FGFR2: variants seen among roughly 807,000 people sequenced by gnomAD.
The protein encoded by FGFR2 is fibroblast growth factor receptor 2.
FGFR2 carries 19 observed loss-of-function variants against 95.9 expected under a neutral mutation model. That is an observed-to-expected ratio of 0.20 (90% CI 0.14 to 0.29). FGFR2 has a LOEUF of 0.29. Among genes scored for constraint, FGFR2 ranks in the 10% least tolerant of loss-of-function variants. The pLI, the probability that FGFR2 is intolerant of heterozygous loss-of-function variation, is 1.00. For missense variants in FGFR2, 707 were observed against 1,056.9 expected (o/e 0.67, Z 4.59); for synonymous variants, 392 against 393.3 (o/e 1.00, Z 0.04).
intron 3 of FGFR2, 34 bp from the exon 4 acceptor site, chr10:121,564,613 T>C: frequency 1.2e-6 from 2 of 1,603,114 alleles, no homozygotes; most frequent in Non-Finnish European, 8.5e-7. Context: ...ATGGATGTGT[T>C]TTTTGCAAAG....
At chr10:121,543,895 G>A (rs189610982) in intron 5 of FGFR2, among the ~76,000 whole-genome samples, 3 of 152,272 alleles carry the variant, frequency 2.0e-5, no homozygotes, top group South Asian at 4.2e-4. Flanking sequence ...GTTGCTTGTC[G>A]GTGCTCACAA....
chr10:121,512,758 G>A (rs752734274), intron 9 of FGFR2, among the ~76,000 whole-genome samples: 2 of 151,994 alleles, frequency 1.3e-5, no homozygotes, highest in Non-Finnish European at 1.5e-5. Context: ...CCCGCACTTA[G>A]TAAATTATGA....
intron 6 of FGFR2, chr10:121,526,248 A>C (rs1851351068): frequency 5.0e-6 from 2 of 398,496 alleles, no homozygotes; most frequent in Non-Finnish European, 8.8e-6. Flanking sequence ...AACAACTGAG[A>C]ATTCTTTTTC....
chr10:121,578,704 G>A (rs1406096944), intron 2 of FGFR2, among the ~76,000 whole-genome samples: 2 of 152,254 alleles, frequency 1.3e-5, no homozygotes, highest in Non-Finnish European at 2.9e-5. Context: ...GAGGCCAGGA[G>A]GTAGAGAACA....
At chr10:121,556,245 T>C (rs1437858086) in intron 4 of FGFR2, among the ~76,000 whole-genome samples, 11 of 152,186 alleles carry the variant, frequency 7.2e-5, no homozygotes, top group Admixed American at 7.2e-4. Context: ...ATCTATGTGC[T>C]AGACAGGTAT....
intron 6 of FGFR2, 179 bp downstream of exon 6, chr10:121,538,413 G>A (rs1252603895): frequency 2.0e-6 from 2 of 1,005,410 alleles, no homozygotes; most frequent in Admixed American, 1.7e-5. Flanking sequence ...CTGGCTGCCT[G>A]GAAAACAGAA....
At chr10:121,493,715 T>C (rs1169025364) in intron 13 of FGFR2, among the ~76,000 whole-genome samples, 10 of 152,176 alleles carry the variant, frequency 6.6e-5, no homozygotes, top group African/African-American at 2.2e-4. Context: ...CAGCTCCCTT[T>C]GCTGCCTCCC....
intron 2 of FGFR2, among the ~76,000 whole-genome samples, chr10:121,566,871 T>C (rs1158790987): frequency 3.3e-5 from 5 of 151,870 alleles, no homozygotes; most frequent in Admixed American, 1.3e-4. Context: ...CAGCACGGGA[T>C]TGGACCCACA....
intron 6 of FGFR2, among the ~76,000 whole-genome samples, chr10:121,524,574 C>T (rs1851069454): frequency 6.6e-6 from 1 of 152,232 alleles, no homozygotes; most frequent in Non-Finnish European, 1.5e-5. Flanking sequence ...ACGCTGCGCT[C>T]CTCCTCTCGA....
At chr10:121,576,773 C>A (rs767555511) in intron 2 of FGFR2, among the ~76,000 whole-genome samples, 16 of 152,090 alleles carry the variant, frequency 1.1e-4, no homozygotes, top group Non-Finnish European at 2.1e-4. Context: ...GGTCCCTTAG[C>A]AGTAAGGCTA....
intron 4 of FGFR2, among the ~76,000 whole-genome samples, chr10:121,553,166 A>G (rs1855635485): frequency 6.6e-6 from 1 of 152,188 alleles, no homozygotes; most frequent in South Asian, 2.1e-4. Context: ...TGCTTATCTA[A>G]GTGTCAAAGT....
intron 2 of FGFR2, among the ~76,000 whole-genome samples, chr10:121,590,993 ACACACACACACACG>A (rs1223161777): frequency 7.0e-6 from 1 of 142,076 alleles, no homozygotes; most frequent in African/African-American, 2.5e-5. Context: ...ACTCGCGCAC[ACACACACACACACG>A]CACACTCTCT....
At chr10:121,554,996 C>T (rs1855928301) in intron 4 of FGFR2, among the ~76,000 whole-genome samples, 1 of 152,160 alleles carries the variant, frequency 6.6e-6, no homozygotes, top group African/African-American at 2.4e-5. Context: ...ACTCATGTAC[C>T]AAATTAAAGA....
Position 121,485,682 on chromosome 10 carries a change from C to T in FGFR2, c.2058-150G>A. The T allele has an allele frequency of 1.0e-6, 1 of 983,832 alleles. No homozygotes were observed. Among genetic ancestry groups the T allele is most frequent in the Non-Finnish European group, 1.5e-6 (1 of 649,290 alleles). 60.9% of individuals were successfully genotyped at this position (983,832 alleles called of 1,614,324 possible). On this transcript the variant is annotated intron_variant, in intron 15 of 17. Transcript: ENST00000358487. This position sits in a 1 kb window ranked among gnomAD's most constrained non-coding sequence, Gnocchi z 4.2. The stretch of plus-strand genomic sequence containing the variant: ...GTTCCTCCTATGTGCTCTTTCCTGC[C>T]CTGCAAGAGCATCCCCGAATGATGA...
At chr10:121,506,463 A>G (rs1280526967) in intron 9 of FGFR2, among the ~76,000 whole-genome samples, 2 of 151,994 alleles carry the variant, frequency 1.3e-5, no homozygotes, top group African/African-American at 4.8e-5. Context: ...CCTGCAGCGT[A>G]GCCCCTCATC....
chr10:121,565,809 G>T, intron 2 of FGFR2, 105 bp from the exon 3 acceptor site: 1 of 1,411,706 alleles, frequency 7.1e-7, no homozygotes, highest in Non-Finnish European at 9.9e-7. Context: ...AGGAGAAGCT[G>T]TTCTTGCTCT....
At chr10:121,484,379 G>C (rs1433411374) in intron 16 of FGFR2, among the ~76,000 whole-genome samples, 1 of 152,094 alleles carries the variant, frequency 6.6e-6, no homozygotes, top group Non-Finnish European at 1.5e-5. Context: ...TAGCTTCCCA[G>C]GTCTTATCTT....
chr10:121,499,284 T>C (rs1218137765), intron 11 of FGFR2, among the ~76,000 whole-genome samples: 3 of 152,168 alleles, frequency 2.0e-5, no homozygotes, highest in Admixed American at 2.0e-4. Flanking sequence ...GTGGCAAGAC[T>C]TTCCCATGTG....
intron 9 of FGFR2, among the ~76,000 whole-genome samples, chr10:121,513,929 T>C (rs890458132): frequency 5.9e-5 from 9 of 152,316 alleles, no homozygotes; most frequent in Admixed American, 5.2e-4. Flanking sequence ...GCTGACCAAC[T>C]GGTTCCTAAT....
Sources: gnomAD v4.1 joint callset for allele counts (sites outside exome capture counted in the v4.1 genomes callset) on GRCh38, gnomAD v4.1.1 for gene constraint, Gnocchi (gnomAD v3.1) non-coding constraint, MANE v1.5 for transcripts, NCBI Gene and HGNC (gene_info 2026-07-23, HGNC 2026-07-21) for gene names.